Variants in PDGFD observed in about 807,000 individuals in gnomAD.
PDGFD encodes platelet-derived growth factor D.
Under a neutral mutation model 44.7 loss-of-function variants are expected in PDGFD, and 30 were observed. The observed-to-expected ratio is 0.67, with a 90% CI of 0.50 to 0.91. The LOEUF (loss-of-function observed/expected upper bound fraction) is 0.91, where lower values mean the gene tolerates loss of function less well. Ranked by LOEUF, PDGFD falls within the 40% of genes least tolerant of loss-of-function variation. PDGFD has a pLI of 0.00. For synonymous variants in PDGFD, 173 were observed against 168.4 expected, an observed-to-expected ratio of 1.03 and a Z score of -0.21; for missense variants, 445 against 457.8, an observed-to-expected ratio of 0.97 and a Z score of 0.25.
At chr11:103,960,126 T>C (rs952607426) in intron 3 of PDGFD, among the ~76,000 whole-genome samples, 1 of 152,190 alleles carries the variant, frequency 6.6e-6, no homozygotes, top group African/African-American at 2.4e-5. Flanking sequence ...TACCGTTACA[T>C]CTGTGTACTT....
rs373608101 is a variant in PDGFD at position 104,041,440 on chromosome 11, G to A, written c.125-41185C>T. 1.6e-4 allele frequency among the ~76,000 whole-genome samples: 23 copies of A among 148,138 alleles called. No homozygotes were observed. The South Asian group carries it at 3.3e-3, about 21-fold the overall frequency. On this transcript the variant is annotated intron_variant, in intron 1 of 6. Transcript: ENST00000393158. ...CAAAAATCCTCCTCTTAAATTTCAG[G>A]TTACTAATATACAACTTATAAATAT... is the stretch of plus-strand genomic sequence containing the variant.
chr11:104,113,424 A>G (rs984417342), intron 1 of PDGFD, among the ~76,000 whole-genome samples: 2 of 152,086 alleles, frequency 1.3e-5, no homozygotes, highest in African/African-American at 4.8e-5. Context: ...TCAGAATAGG[A>G]GGGTGGACAG....
chr11:103,941,263 C>T (rs1184162962), intron 5 of PDGFD, among the ~76,000 whole-genome samples: 1 of 151,960 alleles, frequency 6.6e-6, no homozygotes, highest in Non-Finnish European at 1.5e-5. Flanking sequence ...AAATATTCAG[C>T]CAGAGTGGAG....
At chr11:103,914,715 C>A (rs1349065660) in intron 6 of PDGFD, among the ~76,000 whole-genome samples, 1 of 152,068 alleles carries the variant, frequency 6.6e-6, no homozygotes, top group Non-Finnish European at 1.5e-5. Context: ...ACTGGCAAAC[C>A]AAATCCAGCA....
chr11:104,011,810 A>T (rs1194367111), intron 1 of PDGFD, among the ~76,000 whole-genome samples: 1 of 152,120 alleles, frequency 6.6e-6, no homozygotes, highest in Non-Finnish European at 1.5e-5. Flanking sequence ...TGAAAATGTA[A>T]ATATACTAAA....
At chr11:104,086,172 G>A (rs1284671843) in intron 1 of PDGFD, among the ~76,000 whole-genome samples, 2 of 152,164 alleles carry the variant, frequency 1.3e-5, no homozygotes, top group Non-Finnish European at 2.9e-5. Flanking sequence ...AGCAAAAACA[G>A]CAATGATGTA....
chr11:103,964,489 C>T (rs148919848), intron 3 of PDGFD, among the ~76,000 whole-genome samples: 7 of 152,264 alleles, frequency 4.6e-5, no homozygotes, highest in Admixed American at 3.9e-4. Flanking sequence ...ATGTCTCCTG[C>T]CTTAGTCCAG....
intron 2 of PDGFD, among the ~76,000 whole-genome samples, chr11:103,997,589 C>T (rs1859552577): frequency 6.6e-6 from 1 of 152,050 alleles, no homozygotes; most frequent in African/African-American, 2.4e-5. Context: ...TTATATGGTG[C>T]TTGGAAGGTA....
chr11:104,006,445 G>A (rs260866), intron 1 of PDGFD, among the ~76,000 whole-genome samples: 29,895 of 152,124 alleles, frequency 0.2, 3,239 homozygotes, highest in African/African-American at 0.29. Context: ...CTGTTGATAT[G>A]GACAGGAGTC....
chr11:104,144,507 CAAAA>C (rs201864924), intron 1 of PDGFD, among the ~76,000 whole-genome samples: 22,522 of 73,790 alleles, frequency 0.31, 2,201 homozygotes, highest in Middle Eastern at 0.43. Flanking sequence ...ACTCCGTCAC[CAAAA>C]AAAAAAAAAA....
At chr11:103,918,002 C>A (rs567841375) in intron 6 of PDGFD, among the ~76,000 whole-genome samples, 1 of 152,152 alleles carries the variant, frequency 6.6e-6, no homozygotes, top group Non-Finnish European at 1.5e-5. Flanking sequence ...GGGAATAAAT[C>A]ACTGCATTTG....
In PDGFD at chr11:103,972,507, T is replaced by C. The variant is rs142777212; in HGVS notation, c.510+23558A>G. On this transcript the variant is annotated intron_variant, in intron 3 of 6. Coordinates refer to ENST00000393158, the MANE Select transcript of PDGFD (RefSeq NM_025208.5). ...TGCAAGAAAGTTGGGCTGGTGTTGG[T>C]TGCTGGAAACGTTAGCCAGTCACTA... Among the ~76,000 whole-genome samples the C allele has an allele frequency of 1.9e-3, 282 of 152,284 alleles. 2 individuals carry two copies. The highest frequency in any genetic ancestry group is 6.4e-3 in the African/African-American group (268 of 41,562).
At chr11:104,073,943 T>C (rs538453284) in intron 1 of PDGFD, among the ~76,000 whole-genome samples, 15 of 152,342 alleles carry the variant, frequency 9.8e-5, no homozygotes, top group Non-Finnish European at 1.8e-4. Flanking sequence ...GCAGATTGCA[T>C]GCGTGACTGT....
intron 1 of PDGFD, among the ~76,000 whole-genome samples, chr11:104,078,205 G>C (rs1158551094): frequency 6.6e-6 from 1 of 152,182 alleles, no homozygotes; most frequent in Non-Finnish European, 1.5e-5. Context: ...GGTGGGTTAA[G>C]GGTTGTGTAA....
At chr11:103,928,345 C>T (rs1392339919) in intron 5 of PDGFD, among the ~76,000 whole-genome samples, 1 of 152,210 alleles carries the variant, frequency 6.6e-6, no homozygotes, top group East Asian at 1.9e-4. Flanking sequence ...CACCAGGCCA[C>T]CACAGAAGGA....
At chr11:104,104,464 G>A (rs1222885618) in intron 1 of PDGFD, among the ~76,000 whole-genome samples, 6 of 152,056 alleles carry the variant, frequency 3.9e-5, no homozygotes, top group Admixed American at 6.6e-5. Context: ...GTCTAATACA[G>A]GGGTAACCAC....
chr11:103,938,170 AC>A, intron 5 of PDGFD, among the ~76,000 whole-genome samples: 1 of 152,066 alleles, frequency 6.6e-6, no homozygotes, highest in Non-Finnish European at 1.5e-5. Flanking sequence ...AGTCCCACCA[AC>A]AGTGTAAAAG....
chr11:103,930,919 C>G (rs1325411653), intron 5 of PDGFD, among the ~76,000 whole-genome samples: 1 of 152,136 alleles, frequency 6.6e-6, no homozygotes, highest in Non-Finnish European at 1.5e-5. Context: ...ACATTTCGTC[C>G]TTTTATCTGA....
At chr11:104,156,517 T>C (rs533150280) in intron 1 of PDGFD, among the ~76,000 whole-genome samples, 1 of 152,276 alleles carries the variant, frequency 6.6e-6, no homozygotes, top group East Asian at 1.9e-4. Flanking sequence ...ATCTAAAATC[T>C]GAGAAAAGAT....
Sources: allele counts gnomAD v4.1 joint callset (sites outside exome capture counted in the v4.1 genomes callset), GRCh38; gene constraint gnomAD v4.1.1; transcripts MANE v1.5; gene names NCBI Gene and HGNC (gene_info 2026-07-23, HGNC 2026-07-21).